Variants in ANKRD46 observed in about 807,000 individuals in gnomAD.
The protein encoded by ANKRD46 is ankyrin repeat domain 46, also known as ankyrin repeat domain-containing protein 46.
A neutral mutation model predicts 19.8 loss-of-function variants in ANKRD46; 13 were observed. The ratio of observed to expected loss-of-function variants is 0.66; its 90% confidence interval spans 0.43 to 1.04. ANKRD46 has a LOEUF of 1.04. ANKRD46 is among the 50% of genes least tolerant of loss of function. The pLI, the probability that ANKRD46 is intolerant of heterozygous loss-of-function variation, is 0.00. For missense variants in ANKRD46, 185 were observed against 274.8 expected, an observed-to-expected ratio of 0.67 and a Z score of 2.31; for synonymous variants, 91 against 106.9, an observed-to-expected ratio of 0.85 and a Z score of 0.92.
chr8:100,550,857 T>C lies in ANKRD46; in HGVS notation c.-131+8854A>G. On this transcript the variant is annotated intron_variant, in intron 1 of 4. Coordinates refer to ENST00000335659, the MANE Select transcript of ANKRD46 (RefSeq NM_001270377.2). The surrounding 1 kb of genome is among the most constrained non-coding windows in gnomAD (Gnocchi z 4.4). Reference sequence around the variant, plus strand: ...AGCATCGAAAGTGGAAGAGTGAGTGTCACTGTTAAAGTCAGAGGAAACAAC... The same window carrying C: ...AGCATCGAAAGTGGAAGAGTGAGTGCCACTGTTAAAGTCAGAGGAAACAAC... 5 of 493,498 alleles carry C rather than the reference T, an allele frequency of 1.0e-5. No homozygotes were observed. The highest frequency in any genetic ancestry group is 1.9e-5 in the Non-Finnish European group (5 of 259,930). The allele number at this position is 493,498 out of a possible 1,614,324, so 30.6% of individuals were successfully genotyped here. A position where few individuals can be genotyped will look rare whatever the true frequency, so the allele number is the denominator to read the frequency against.
In ANKRD46 at chr8:100,521,055, T is replaced by A. The variant is rs1811714210; in HGVS notation, c.*1500A>T. On this transcript the variant is annotated 3_prime_UTR_variant, in exon 5 of 5. Transcript: ENST00000335659. Reference sequence around the variant, plus strand: ...CCAACTATGATTTACTTTGTTTGTATCTAACCTAAAAGCAAGACTCTGCAA... The same window carrying A: ...CCAACTATGATTTACTTTGTTTGTAACTAACCTAAAAGCAAGACTCTGCAA... 1 of 985,106 alleles carries A rather than the reference T, an allele frequency of 1.0e-6. No individual in the cohort carries two copies. Among genetic ancestry groups the A allele is most frequent in the Non-Finnish European group, 1.2e-6 (1 of 829,904 alleles). The allele number at this position is 985,106 out of a possible 1,614,324, so 61.0% of individuals were successfully genotyped here.
In ANKRD46 at chr8:100,557,251, T is replaced by G. The variant is rs1812520652; in HGVS notation, c.-131+2460A>C. On this transcript the variant is annotated intron_variant, in intron 1 of 4. Coordinates refer to ENST00000335659, the MANE Select transcript of ANKRD46 (RefSeq NM_001270377.2). This position sits in a 1 kb window ranked among gnomAD's most constrained non-coding sequence, Gnocchi z 5.9. ...GCTCCACCTACCTTCACACTCAGTC[T>G]TCTCCATCTCAGTACACTGTTTAAC... is the stretch of plus-strand genomic sequence containing the variant. Among the ~76,000 whole-genome samples the G allele has an allele frequency of 6.6e-6, 1 of 152,218 alleles. No individual in the cohort carries two copies. The highest frequency in any genetic ancestry group is 2.1e-4 in the South Asian group (1 of 4,834).
chr8:100,547,280 A>G (rs185471804), intron 1 of ANKRD46, among the ~76,000 whole-genome samples: 18 of 152,148 alleles, frequency 1.2e-4, no homozygotes. Context: ...TGACTGGATC[A>G]TGGGGGCGGT....
Position 100,520,910 on chromosome 8 carries a change from T to C in ANKRD46, c.*1645A>G, listed in dbSNP as rs995830958. On this transcript the variant is annotated 3_prime_UTR_variant, in exon 5 of 5. Coordinates refer to ENST00000335659, the MANE Select transcript of ANKRD46 (RefSeq NM_001270377.2). ...TACTTACATTTTGACCAATTTTGCA[T>C]ATTTGTTTAGATTTACAAACAAATG... is the stretch of plus-strand genomic sequence containing the variant. 4.1e-6 allele frequency: 4 copies of C among 984,842 alleles called. No homozygotes were observed. The highest frequency in any genetic ancestry group is 3.6e-6 in the Non-Finnish European group (3 of 829,404). 61.0% of individuals were successfully genotyped at this position (984,842 alleles called of 1,614,324 possible). A position where few individuals can be genotyped will look rare whatever the true frequency, so the allele number is the denominator to read the frequency against.
Position 100,510,857 on chromosome 8 carries a change from A to G in ANKRD46, c.637-218T>C, listed in dbSNP as rs1427986922. Among the ~76,000 whole-genome samples, 3 of 152,166 alleles carry G rather than the reference A, an allele frequency of 2.0e-5. No individual in the cohort carries two copies. Among genetic ancestry groups the G allele is most frequent in the African/African-American group, 7.2e-5 (3 of 41,430 alleles). On this transcript the variant is annotated intron_variant, in intron 5 of 5. Coordinates refer to the ANKRD46 transcript ENST00000520552. This position sits in a 1 kb window ranked among gnomAD's most constrained non-coding sequence, Gnocchi z 4.9. Reference sequence around the variant, plus strand: ...TATAGGGAAGGCTGGGAAGATTGGCAAGGACTGTGTTCAATGTCCTCTCGA... The same window carrying G: ...TATAGGGAAGGCTGGGAAGATTGGCGAGGACTGTGTTCAATGTCCTCTCGA...
chr8:100,558,061 G>A (rs1812535363), intron 1 of ANKRD46, among the ~76,000 whole-genome samples: 1 of 152,142 alleles, frequency 6.6e-6, no homozygotes, highest in Non-Finnish European at 1.5e-5. Flanking sequence ...ACAGAGCCTG[G>A]CCATAGAAGG....
downstream of ANKRD46, among the ~76,000 whole-genome samples, chr8:100,517,677 C>T (rs77195628): frequency 0.012 from 1,829 of 152,314 alleles, 42 homozygotes; most frequent in African/African-American, 0.038. Flanking sequence ...GGCCAAGATC[C>T]CCCCTTAGAA....
In ANKRD46 at chr8:100,510,350, C is replaced by A. The variant is rs769226770; in HGVS notation, c.*227G>T. On this transcript the variant is annotated 3_prime_UTR_variant, in exon 6 of 6. Coordinates refer to the ANKRD46 transcript ENST00000520552. The surrounding 1 kb of genome is among the most constrained non-coding windows in gnomAD (Gnocchi z 4.9). ...GTTCCTGGAGCTCCATCTTGAGGAT[C>A]TGGGAGGCCAGGAAGACAGCAGGTG... The A allele has an allele frequency of 4.8e-6, 2 of 417,808 alleles. No individual in the cohort carries two copies. The highest frequency in any genetic ancestry group is 8.5e-6 in the Non-Finnish European group (2 of 236,440). 25.9% of individuals were successfully genotyped at this position (417,808 alleles called of 1,614,324 possible).
intron 1 of ANKRD46, among the ~76,000 whole-genome samples, chr8:100,535,049 G>A (rs1191957420): frequency 6.6e-6 from 1 of 152,210 alleles, no homozygotes; most frequent in East Asian, 1.9e-4. Context: ...TTACAGGCGT[G>A]AGCCACCGCA....
downstream of ANKRD46, among the ~76,000 whole-genome samples, chr8:100,518,679 G>A (rs1338562201): frequency 2.6e-5 from 4 of 151,988 alleles, no homozygotes; most frequent in South Asian, 2.1e-4. Flanking sequence ...GTGAAACCCC[G>A]TCTCTGCTAA....
chr8:100,542,733 GAAAT>G (rs1310890930), intron 1 of ANKRD46, among the ~76,000 whole-genome samples: 1 of 152,064 alleles, frequency 6.6e-6, no homozygotes, highest in African/African-American at 2.4e-5. Context: ...CATGAGGATA[GAAAT>G]AAATAAAGGA....
chr8:100,541,779 C>T (rs753013969), intron 1 of ANKRD46, among the ~76,000 whole-genome samples: 6 of 152,150 alleles, frequency 3.9e-5, no homozygotes, highest in East Asian at 1.9e-4. Flanking sequence ...TTTTGGTCAA[C>T]GACGGACTGC....
intron 1 of ANKRD46, among the ~76,000 whole-genome samples, chr8:100,540,942 TGCAACA>T (rs1812163179): frequency 6.6e-6 from 1 of 151,340 alleles, no homozygotes; most frequent in Admixed American, 6.6e-5. Context: ...TTTTTCTAGT[TGCAACA>T]GCACTTTATT....
downstream of ANKRD46, among the ~76,000 whole-genome samples, chr8:100,517,325 C>A (rs1028171237): frequency 1.3e-5 from 2 of 152,222 alleles, no homozygotes; most frequent in African/African-American, 4.8e-5. Context: ...AAATGAATTT[C>A]TAATGTAATT....
At chr8:100,514,245 A>G (rs551796928) in intron 5 of ANKRD46, among the ~76,000 whole-genome samples, 1 of 152,354 alleles carries the variant, frequency 6.6e-6, no homozygotes, top group African/African-American at 2.4e-5. Flanking sequence ...ATACCATAAA[A>G]TTGTAAATGT....
rs997374895 is a variant in ANKRD46, at chr8:100,545,413, G to T, written c.-130-12102C>A. ...ATAAGATCAGACGGTTTTAAAATTG[G>T]TCGTTTCCCCTACACATTCTCTCTT... is the stretch of plus-strand genomic sequence containing the variant. On this transcript the variant is annotated intron_variant, in intron 1 of 4. Coordinates refer to ENST00000335659, the MANE Select transcript of ANKRD46 (RefSeq NM_001270377.2). The surrounding 1 kb of genome is among the most constrained non-coding windows in gnomAD (Gnocchi z 4.7). Among the ~76,000 whole-genome samples the T allele has an allele frequency of 6.6e-6, 1 of 152,044 alleles. No homozygotes were observed. The highest frequency in any genetic ancestry group is 2.4e-5 in the African/African-American group (1 of 41,388).
chr8:100,516,526 A>G (rs1404901646), downstream of ANKRD46, among the ~76,000 whole-genome samples: 1 of 152,242 alleles, frequency 6.6e-6, no homozygotes, highest in Non-Finnish European at 1.5e-5. Context: ...TCTAAAAACA[A>G]CTTAAGTAGG....
chr8:100,539,322 G>A (rs1812127626), intron 1 of ANKRD46, among the ~76,000 whole-genome samples: 3 of 152,256 alleles, frequency 2.0e-5, no homozygotes, highest in African/African-American at 7.2e-5. Context: ...TATTTATTTG[G>A]ATTCTTTAAA....
rs992163750 is a variant in ANKRD46, at chr8:100,536,396, C to A, written c.-130-3085G>T. Among the ~76,000 whole-genome samples, 1 of 152,132 alleles carries A rather than the reference C, an allele frequency of 6.6e-6. No homozygotes were observed. The highest frequency in any genetic ancestry group is 2.4e-5 in the African/African-American group (1 of 41,416). ...GTTAAAAAAACTTGATTACTCCACC[C>A]AGAATGTATATGGAGCTGGACTGCC... On this transcript the variant is annotated intron_variant, in intron 1 of 4. Coordinates refer to ENST00000335659, the MANE Select transcript of ANKRD46 (RefSeq NM_001270377.2). The surrounding 1 kb of genome is among the most constrained non-coding windows in gnomAD (Gnocchi z 4.9).
Sources: gnomAD v4.1 joint callset for allele counts (sites outside exome capture counted in the v4.1 genomes callset) on GRCh38, gnomAD v4.1.1 for gene constraint, Gnocchi (gnomAD v3.1) non-coding constraint, MANE v1.5 for transcripts, NCBI Gene and HGNC (gene_info 2026-07-23, HGNC 2026-07-21) for gene names.